RBFOX1: variants seen among roughly 807,000 people sequenced by gnomAD.
RBFOX1 encodes RNA binding protein fox-1 homolog 1.
In RBFOX1, 8 loss-of-function variants were observed where a neutral mutation model predicts 57.7. The ratio of observed to expected loss-of-function variants is 0.14; its 90% confidence interval spans 0.08 to 0.25. The LOEUF (loss-of-function observed/expected upper bound fraction) is 0.25, where lower values mean the gene tolerates loss of function less well. RBFOX1 is among the 10% of genes least tolerant of loss of function. RBFOX1 has a pLI of 1.00. For missense variants in RBFOX1, 611 were observed against 548.5 expected (o/e 1.11, Z -1.14); for synonymous variants, 326 against 222.4 (o/e 1.47, Z -4.15).
At chr16:5,641,551 G>C (rs562541363) in intron 3 of RBFOX1, among the ~76,000 whole-genome samples, 1 of 152,338 alleles carries the variant, frequency 6.6e-6, no homozygotes, top group East Asian at 1.9e-4. Flanking sequence ...CCTAGCTCCT[G>C]AGTGAGGCTG....
intron 4 of RBFOX1, among the ~76,000 whole-genome samples, chr16:7,197,039 A>G (rs1261055251): frequency 6.6e-6 from 1 of 152,192 alleles, no homozygotes; most frequent in Non-Finnish European, 1.5e-5. Flanking sequence ...CACCATAGCC[A>G]TCTTTCAGCC....
chr16:7,193,690 A>C (rs1477406284), intron 4 of RBFOX1, among the ~76,000 whole-genome samples: 1 of 152,224 alleles, frequency 6.6e-6, no homozygotes, highest in East Asian at 1.9e-4. Context: ...CAGAGCTGGT[A>C]TGTGACAAAG....
At chr16:5,535,587 G>T (rs2044662317) in intron 2 of RBFOX1, among the ~76,000 whole-genome samples, 1 of 152,172 alleles carries the variant, frequency 6.6e-6, no homozygotes, top group Non-Finnish European at 1.5e-5. Context: ...TGGGCTTACA[G>T]CTCTCCCCAC....
At chr16:7,367,026 T>G (rs556959899) in intron 4 of RBFOX1, among the ~76,000 whole-genome samples, 7 of 152,280 alleles carry the variant, frequency 4.6e-5, no homozygotes, top group South Asian at 4.1e-4. Flanking sequence ...AGATGGGTTT[T>G]CTGGCTTGAT....
intron 11 of RBFOX1, among the ~76,000 whole-genome samples, chr16:7,646,803 C>G (rs978312758): frequency 6.6e-6 from 1 of 152,066 alleles, no homozygotes; most frequent in Non-Finnish European, 1.5e-5. Context: ...TGTGTTTTTT[C>G]TCTTGGGATT....
chr16:5,271,938 T>C (rs1208787133), intron 1 of RBFOX1, among the ~76,000 whole-genome samples: 2 of 152,258 alleles, frequency 1.3e-5, no homozygotes, highest in Non-Finnish European at 2.9e-5. Context: ...TTCTTTCTTT[T>C]TTAAGGGTTA....
At chr16:7,505,959 G>A (rs2073126522) in intron 4 of RBFOX1, among the ~76,000 whole-genome samples, 1 of 152,088 alleles carries the variant, frequency 6.6e-6, no homozygotes, top group African/African-American at 2.4e-5. Flanking sequence ...GCTGAGGTGA[G>A]TGGATCACAA....
intron 3 of RBFOX1, among the ~76,000 whole-genome samples, chr16:6,952,621 G>C (rs946583460): frequency 2.0e-5 from 3 of 151,966 alleles, no homozygotes; most frequent in Non-Finnish European, 4.4e-5. Flanking sequence ...CTGGGCAACA[G>C]AGCAAGACTC....
At chr16:5,295,163 G>A (rs571139473) in intron 1 of RBFOX1, among the ~76,000 whole-genome samples, 29 of 152,022 alleles carry the variant, frequency 1.9e-4, no homozygotes, top group African/African-American at 6.7e-4. Flanking sequence ...TGACATGCCT[G>A]TGGAAAGCTT....
intron 3 of RBFOX1, among the ~76,000 whole-genome samples, chr16:6,730,429 A>ATCTG (rs1237107680): frequency 2.2e-5 from 3 of 133,360 alleles, no homozygotes; most frequent in Non-Finnish European, 3.2e-5. Context: ...TCTCATCTAT[A>ATCTG]TCTAATCTAT....
chr16:5,996,210 C>T (rs2060487605), intron 4 of RBFOX1, among the ~76,000 whole-genome samples: 1 of 152,128 alleles, frequency 6.6e-6, no homozygotes, highest in African/African-American at 2.4e-5. Flanking sequence ...GAACTGCAAA[C>T]AGTGGTCATT....
intron 4 of RBFOX1, among the ~76,000 whole-genome samples, chr16:5,890,665 C>G (rs12325042): frequency 1.5e-5 from 2 of 136,238 alleles, no homozygotes; most frequent in South Asian, 2.5e-4. Flanking sequence ...CCACTGCACT[C>G]TAGCCTGGGT....
chr16:6,777,360 A>T (rs944306678), intron 3 of RBFOX1, among the ~76,000 whole-genome samples: 2 of 152,150 alleles, frequency 1.3e-5, no homozygotes, highest in East Asian at 3.9e-4. Context: ...AGTTAACTCT[A>T]TTTGTGTGTC....
intron 4 of RBFOX1, among the ~76,000 whole-genome samples, chr16:7,318,724 AT>A (rs1286815139): frequency 1.3e-5 from 2 of 152,068 alleles, no homozygotes; most frequent in African/African-American, 4.8e-5. Flanking sequence ...TATATTCTTG[AT>A]TTTGCTTTTT....
rs1715289620 is a variant in RBFOX1 at position 7,404,034 on chromosome 16, T to TTTTATTTTAC, written c.28-114104_28-114103insCTTTATTTTA. ...CATATCCTGATTTCATTTCCTTTTA[T>TTTTATTTTAC]TTTATTTTATTTTATTTTATTTTAT... On this transcript the variant is annotated intron_variant, in intron 4 of 15. Coordinates refer to ENST00000550418, the MANE Select transcript of RBFOX1 (RefSeq NM_018723.4). Among the ~76,000 whole-genome samples, 9 of 135,138 alleles carry TTTTATTTTAC rather than the reference T, an allele frequency of 6.7e-5. No homozygotes were observed. The South Asian group carries it at 2.0e-3, about 30-fold the overall frequency. The allele number at this position is 135,138 out of a possible 152,430, so 88.7% of individuals were successfully genotyped here.
At chr16:7,512,024 C>G (rs1021528711) in intron 4 of RBFOX1, among the ~76,000 whole-genome samples, 4 of 152,172 alleles carry the variant, frequency 2.6e-5, no homozygotes, top group African/African-American at 9.7e-5. Flanking sequence ...GGCAGATCAT[C>G]CTGCTCATCA....
chr16:6,030,591 C>T (rs1309010634), intron 1 of RBFOX1, among the ~76,000 whole-genome samples: 1 of 152,020 alleles, frequency 6.6e-6, no homozygotes, highest in African/African-American at 2.4e-5. Flanking sequence ...AATAAGAAAG[C>T]AATATAAAGG....
chr16:7,256,545 A>G (rs2094691913), intron 4 of RBFOX1, among the ~76,000 whole-genome samples: 1 of 152,086 alleles, frequency 6.6e-6, no homozygotes, highest in African/African-American at 2.4e-5. Flanking sequence ...AATACCACAC[A>G]TACACTGTAT....
At chr16:6,406,256 T>G (rs77883742) in intron 2 of RBFOX1, among the ~76,000 whole-genome samples, 146 of 152,342 alleles carry the variant, frequency 9.6e-4, no homozygotes, top group African/African-American at 3.4e-3. Context: ...CCATTAATTC[T>G]AATGCAGCCT....
Sources: allele counts gnomAD v4.1 joint callset (sites outside exome capture counted in the v4.1 genomes callset), GRCh38; gene constraint gnomAD v4.1.1; transcripts MANE v1.5; gene names NCBI Gene and HGNC (gene_info 2026-07-23, HGNC 2026-07-21).